UNC5D: variants seen among roughly 807,000 people sequenced by gnomAD.
UNC5D encodes the protein netrin receptor UNC5D.
In UNC5D, 39 loss-of-function variants were observed where a neutral mutation model predicts 105.4. The observed-to-expected ratio is 0.37, with a 90% CI of 0.29 to 0.48. The LOEUF (loss-of-function observed/expected upper bound fraction) is 0.48. Ranked by LOEUF, UNC5D falls within the 20% of genes least tolerant of loss-of-function variation. The probability of loss-of-function intolerance (pLI) is 0.98; values close to 1 mark genes in which losing one functional copy is unlikely to be tolerated. For synonymous variants in UNC5D, 452 were observed against 450.4 expected, an observed-to-expected ratio of 1.00 and a Z score of -0.04; for missense variants, 991 against 1,202.4, an observed-to-expected ratio of 0.82 and a Z score of 2.60.
At chr8:35,271,370 TGTGTATGTATATGTACACACATGCAC>T (rs1370161147) in intron 1 of UNC5D, among the ~76,000 whole-genome samples, 49 of 131,676 alleles carry the variant, frequency 3.7e-4, no homozygotes, top group South Asian at 9.7e-4. Context: ...CACGTGCACG[TGTGTATGTATATGTACACACATGCAC>T]GTGTGTATGT....
At chr8:35,316,091 C>T (rs1236059589) in intron 1 of UNC5D, among the ~76,000 whole-genome samples, 1 of 152,092 alleles carries the variant, frequency 6.6e-6, no homozygotes, top group Non-Finnish European at 1.5e-5. Flanking sequence ...CTAGGCAGTA[C>T]ATTAATCGAA....
chr8:35,412,228 C>T (rs1585781971), intron 1 of UNC5D, among the ~76,000 whole-genome samples: 1 of 152,050 alleles, frequency 6.6e-6, no homozygotes, highest in South Asian at 2.1e-4. Context: ...ATTTTAGAAC[C>T]CTCCATTGGG....
At chr8:35,277,624 A>T (rs955953448) in intron 1 of UNC5D, among the ~76,000 whole-genome samples, 1 of 151,876 alleles carries the variant, frequency 6.6e-6, no homozygotes, top group African/African-American at 2.4e-5. Flanking sequence ...CACGGCCCTC[A>T]TTGTTGTCTC....
chr8:35,503,515 A>C (rs1298447525), intron 1 of UNC5D, among the ~76,000 whole-genome samples: 2 of 152,198 alleles, frequency 1.3e-5, no homozygotes, highest in Non-Finnish European at 2.9e-5. Context: ...GTTACAATTC[A>C]AGATGAGATT....
intron 2 of UNC5D, 85 bp downstream of exon 2, chr8:35,549,595 C>A: frequency 7.8e-7 from 1 of 1,274,488 alleles, no homozygotes; most frequent in Non-Finnish European, 1.1e-6. Context: ...CTGGAAATCA[C>A]CCCCCATTGC....
chr8:35,485,560 A>G (rs571998262), intron 1 of UNC5D, among the ~76,000 whole-genome samples: 1 of 152,278 alleles, frequency 6.6e-6, no homozygotes, highest in South Asian at 2.1e-4. Context: ...CAGAGGCTTT[A>G]TGAATATCCA....
chr8:35,722,439 G>T, intron 9 of UNC5D, 44 bp downstream of exon 9: 1 of 1,588,774 alleles, frequency 6.3e-7, no homozygotes, highest in South Asian at 1.2e-5. Context: ...CAGTGCCATA[G>T]ACTACGCTCA....
intron 8 of UNC5D, among the ~76,000 whole-genome samples, chr8:35,713,808 A>C (rs1360660992): frequency 6.6e-6 from 1 of 152,220 alleles, no homozygotes; most frequent in Non-Finnish European, 1.5e-5. Context: ...AAAGTCTGCA[A>C]AAGTACATGG....
At chr8:35,606,696 G>T (rs1820315954) in intron 4 of UNC5D, among the ~76,000 whole-genome samples, 1 of 152,138 alleles carries the variant, frequency 6.6e-6, no homozygotes, top group Non-Finnish European at 1.5e-5. Context: ...ATTTAAAAAA[G>T]AAAGAACAAA....
intron 4 of UNC5D, among the ~76,000 whole-genome samples, chr8:35,649,988 T>G (rs557977840): frequency 4.6e-4 from 70 of 152,266 alleles, no homozygotes; most frequent in Admixed American, 7.8e-4. Flanking sequence ...TTAATAATCA[T>G]GGGTCAGATG....
At chr8:35,670,011 G>T (rs1174943232) in intron 4 of UNC5D, among the ~76,000 whole-genome samples, 1 of 152,106 alleles carries the variant, frequency 6.6e-6, no homozygotes, top group Non-Finnish European at 1.5e-5. Flanking sequence ...ATGTGGGGAG[G>T]TGTTTTGCAG....
chr8:35,750,182 G>A (rs1830202818), intron 12 of UNC5D, among the ~76,000 whole-genome samples: 1 of 151,772 alleles, frequency 6.6e-6, no homozygotes, highest in African/African-American at 2.4e-5. Flanking sequence ...TTATTGCCCA[G>A]GCTGGAGTGC....
intron 15 of UNC5D, among the ~76,000 whole-genome samples, chr8:35,773,988 T>A (rs554961183): frequency 6.6e-6 from 1 of 152,312 alleles, no homozygotes; most frequent in Admixed American, 6.5e-5. Flanking sequence ...CCTTCCAAAG[T>A]GCTGGGATTA....
chr8:35,239,595 G>A (rs917255654), intron 1 of UNC5D, among the ~76,000 whole-genome samples: 2 of 151,974 alleles, frequency 1.3e-5, no homozygotes, highest in Non-Finnish European at 2.9e-5. Flanking sequence ...AAGGAAGGGG[G>A]TGGTGGTGGT....
chr8:35,582,930 C>T (rs187077389), intron 3 of UNC5D, among the ~76,000 whole-genome samples: 38 of 152,242 alleles, frequency 2.5e-4, no homozygotes, highest in African/African-American at 9.1e-4. Flanking sequence ...AAACTTTGTC[C>T]CTTCAACCAT....
intron 1 of UNC5D, among the ~76,000 whole-genome samples, chr8:35,481,951 C>T (rs893440641): frequency 1.4e-4 from 21 of 152,046 alleles, no homozygotes; most frequent in Admixed American, 3.9e-4. Context: ...TTATGTATGG[C>T]GGTGGGTATA....
intron 1 of UNC5D, among the ~76,000 whole-genome samples, chr8:35,485,135 A>C (rs1414089711): frequency 6.6e-6 from 1 of 152,160 alleles, no homozygotes; most frequent in African/African-American, 2.4e-5. Flanking sequence ...CAGGAGAGGC[A>C]AACCTTTAGA....
intron 1 of UNC5D, among the ~76,000 whole-genome samples, chr8:35,356,282 A>T (rs537287392): frequency 6.6e-6 from 1 of 152,084 alleles, no homozygotes; most frequent in Non-Finnish European, 1.5e-5. Context: ...CTCTTTAAAC[A>T]CTTATGAGCT....
intron 1 of UNC5D, among the ~76,000 whole-genome samples, chr8:35,505,606 G>T (rs1441239905): frequency 6.6e-6 from 1 of 152,222 alleles, no homozygotes; most frequent in African/African-American, 2.4e-5. Flanking sequence ...CTAGGAGGGT[G>T]AGCAAAAGCA....
Sources: gnomAD v4.1 joint callset for allele counts (sites outside exome capture counted in the v4.1 genomes callset) on GRCh38, gnomAD v4.1.1 for gene constraint, MANE v1.5 for transcripts, NCBI Gene and HGNC (gene_info 2026-07-23, HGNC 2026-07-21) for gene names.